The following SLC22A8 variants were observed in gnomAD, a reference collection of about 807,000 sequenced individuals.
SLC22A8 encodes the protein organic anion transporter 3.
SLC22A8 carries 40 observed loss-of-function variants against 48.4 expected under a neutral mutation model. The observed-to-expected ratio is 0.83, with a 90% confidence interval of 0.64 to 1.08. The LOEUF is 1.08. Ranked by LOEUF, SLC22A8 falls within the 50% of genes least tolerant of loss-of-function variation. SLC22A8 has a pLI of 0.00. For synonymous variants in SLC22A8, 268 were observed against 286.3 expected (o/e 0.94, Z 0.65); for missense variants, 606 against 699.0 (o/e 0.87, Z 1.50).
At position 62,993,252 on chromosome 11, in the gene SLC22A8, G is replaced by A; in HGVS notation, c.1614C>T (p.Gly538=). The change falls in exon 11 of 11, where the codon GGC becomes GGT. Residue 538 remains glycine, a synonymous_variant. Coordinates refer to ENST00000336232, the MANE Select transcript of SLC22A8 (RefSeq NM_004254.4). ...TCCGTTGTCCTCAGCTGGAGCCCAG[G>A]CCTGGTCCGTGAGGCTGTAGAGGGA... ...QRIPLQPHGP[G]LGSS The A allele has an allele frequency of 9.3e-6, 15 of 1,612,344 alleles. No homozygotes were observed. The highest frequency in any genetic ancestry group is 1.3e-5 in the Non-Finnish European group (15 of 1,179,610).
intron 2 of SLC22A8, chr11:63,001,085 T>C: frequency 2.3e-6 from 1 of 440,534 alleles, no homozygotes; most frequent in Non-Finnish European, 4.2e-6. Flanking sequence ...CATCCAGGTC[T>C]GGCCTCAACT....
chr11:63,005,407 G>A (rs1265835238), intron 2 of SLC22A8, among the ~76,000 whole-genome samples: 2 of 152,186 alleles, frequency 1.3e-5, no homozygotes, highest in Non-Finnish European at 2.9e-5. Flanking sequence ...CCCAAGCATG[G>A]CTTGGTTCAT....
At chr11:63,005,480 C>T (rs1028279975) in intron 2 of SLC22A8, among the ~76,000 whole-genome samples, 7 of 152,148 alleles carry the variant, frequency 4.6e-5, no homozygotes, top group Non-Finnish European at 8.8e-5. Context: ...ACTTGTGTCC[C>T]TCCAAAAAAT....
chr11:63,007,880 AG>A (rs2086574309), intron 2 of SLC22A8, among the ~76,000 whole-genome samples: 1 of 152,212 alleles, frequency 6.6e-6, no homozygotes, highest in South Asian at 2.1e-4. Context: ...TGAGGCTCAG[AG>A]GGTAAGTGGC....
At chr11:63,015,042 A>G (rs895136622) in intron 1 of SLC22A8, 59 bp from the exon 2 acceptor site, 12 of 1,157,208 alleles carry the variant, frequency 1.0e-5, no homozygotes, top group Non-Finnish European at 1.2e-5. Context: ...GCGTGGGTCT[A>G]TGGAACGATA....
At chr11:63,000,920 A>G in intron 2 of SLC22A8, 97 bp from the exon 3 acceptor site, 1 of 917,338 alleles carries the variant, frequency 1.1e-6, no homozygotes, top group Non-Finnish European at 1.8e-6. Flanking sequence ...TTCCTCTCCC[A>G]GCGCCCTGAC....
rs374308646 is a variant in SLC22A8, at chr11:62,998,991, C to T, written c.691G>A (p.Ala231Thr). Residue 231 changes from alanine to threonine, a missense_variant, in exon 5 of 11, where the codon GCC becomes ACC. By Grantham distance (58) the Ala-to-Thr change is moderately conservative (BLOSUM62 0). Coordinates refer to ENST00000336232, the MANE Select transcript of SLC22A8 (RefSeq NM_004254.4). The stretch of plus-strand genomic sequence containing the variant: ...TGCAGCCAACGCCACTGGGGGATGG[C>T]GTAGGCCAGGCCGGGCAGAATGAAC... ...GQFILPGLAYAIPQWRWLQLT... is the reference protein window; with the variant it reads ...GQFILPGLAYTIPQWRWLQLT... 15 of 1,614,064 alleles carry T rather than the reference C, an allele frequency of 9.3e-6. No homozygotes were observed. Among genetic ancestry groups the T allele is most frequent in the Middle Eastern group, 1.6e-4 (1 of 6,084 alleles).
At chr11:63,009,736 C>T (rs1392211700) in intron 2 of SLC22A8, among the ~76,000 whole-genome samples, 1 of 152,160 alleles carries the variant, frequency 6.6e-6, no homozygotes, top group Non-Finnish European at 1.5e-5. Flanking sequence ...AGGGAGACCG[C>T]CTCCACTCCT....
At chr11:62,994,104 G>A in intron 8 of SLC22A8, 2 of 577,782 alleles carry the variant, frequency 3.5e-6, no homozygotes, top group South Asian at 4.3e-5. Flanking sequence ...TCTTGTTCTT[G>A]TCTTAAAATA....
At position 62,993,712 on chromosome 11, in the gene SLC22A8, C is replaced by T. The variant is rs1050219225; in HGVS notation, c.1325+58G>A. ...CCCTGGGTAGAGGACAGGACAATGC[C>T]ACAGTCCCACCTGACCTGTGTCCTC... On this transcript the variant is annotated intron_variant, in intron 9 of 10. Coordinates refer to ENST00000336232, the MANE Select transcript of SLC22A8 (RefSeq NM_004254.4). 1.1e-5 allele frequency: 18 copies of T among 1,589,954 alleles called. No individual in the cohort carries two copies. The Middle Eastern group carries it at 5.0e-4, about 44-fold the overall frequency.
rs971753897 is a variant in SLC22A8, at chr11:62,999,761, G to T, written c.519C>A (p.Phe173Leu). 14 of 1,608,262 alleles carry T rather than the reference G, an allele frequency of 8.7e-6. No homozygotes were observed. The highest frequency in any genetic ancestry group is 1.2e-5 in the Non-Finnish European group (14 of 1,177,168). ...SGSGAAFSPT[F>L]PIYMVFRFLC... Reference sequence around the variant, plus strand: ...GGAAGCGGAAGACCATGTAGATGGGGAAGGTGGGGCTGAAGGCTGCACCGG... The same window carrying T: ...GGAAGCGGAAGACCATGTAGATGGGTAAGGTGGGGCTGAAGGCTGCACCGG... Residue 173 changes from phenylalanine to leucine, a missense_variant, in exon 4 of 11, where the codon TTC (phenylalanine) becomes TTA (leucine). By Grantham distance (22) the Phe-to-Leu change is conservative (BLOSUM62 0). Transcript: ENST00000336232.
At chr11:63,010,960 A>C (rs925180698) in intron 2 of SLC22A8, among the ~76,000 whole-genome samples, 1 of 151,924 alleles carries the variant, frequency 6.6e-6, no homozygotes, top group Non-Finnish European at 1.5e-5. Flanking sequence ...CCAGGCTCTG[A>C]GGGGGCAAGT....
At chr11:63,010,207 C>A (rs1013725206) in intron 2 of SLC22A8, among the ~76,000 whole-genome samples, 21 of 152,308 alleles carry the variant, frequency 1.4e-4, no homozygotes, top group South Asian at 4.1e-4. Context: ...GCCCTTTTTA[C>A]GGATGAGGAA....
intron 5 of SLC22A8, among the ~76,000 whole-genome samples, chr11:62,997,639 C>CT (rs1358068351): frequency 1.3e-5 from 2 of 152,242 alleles, no homozygotes; most frequent in African/African-American, 4.8e-5. Context: ...CCTCCTGACT[C>CT]TGAGTGCTCT....
intron 2 of SLC22A8, among the ~76,000 whole-genome samples, chr11:63,013,022 T>C (rs2086636422): frequency 6.6e-6 from 1 of 152,106 alleles, no homozygotes; most frequent in African/African-American, 2.4e-5. Flanking sequence ...CTGCCACTTA[T>C]TAGCTGTGTG....
At chr11:63,000,988 G>T in intron 2 of SLC22A8, 165 bp from the exon 3 acceptor site, 2 of 605,980 alleles carry the variant, frequency 3.3e-6, no homozygotes, top group Non-Finnish European at 6.0e-6. Context: ...AGCTCCTTGG[G>T]TTTGTCTGTG....
At chr11:63,013,613 A>C (rs2086642860) in intron 2 of SLC22A8, among the ~76,000 whole-genome samples, 1 of 152,180 alleles carries the variant, frequency 6.6e-6, no homozygotes, top group African/African-American at 2.4e-5. Flanking sequence ...GTCTCCCTGT[A>C]CTTCTTATGG....
intron 2 of SLC22A8, among the ~76,000 whole-genome samples, chr11:63,012,848 A>G (rs2086634749): frequency 6.6e-6 from 1 of 152,186 alleles, no homozygotes; most frequent in Non-Finnish European, 1.5e-5. Context: ...CCTCAGTATT[A>G]TGCACTGGGT....
intron 5 of SLC22A8, 46 bp downstream of exon 5, chr11:62,998,875 C>A: frequency 6.5e-7 from 1 of 1,550,326 alleles, no homozygotes. Context: ...CCCTGTTTGG[C>A]CCTGGGGCAC....
Sources: gnomAD v4.1 joint callset for allele counts (sites outside exome capture counted in the v4.1 genomes callset) on GRCh38, gnomAD v4.1.1 for gene constraint, MANE v1.5 for transcripts, NCBI Gene and HGNC (gene_info 2026-07-23, HGNC 2026-07-21) for gene names.